The following RBMS3 variants were observed in gnomAD, a reference collection of about 807,000 sequenced individuals.
RBMS3 encodes the protein RNA binding motif single stranded interacting protein 3.
RBMS3 carries 27 observed loss-of-function variants against 66.8 expected under a neutral mutation model. The observed-to-expected ratio is 0.40, with a 90% CI of 0.30 to 0.56. The LOEUF is 0.56. Ranked by LOEUF, RBMS3 falls within the 20% of genes least tolerant of loss-of-function variation. The probability of loss-of-function intolerance (pLI) is 0.40; values close to 1 mark genes in which losing one functional copy is unlikely to be tolerated. For missense variants in RBMS3, 513 were observed against 549.5 expected (o/e 0.93, Z 0.66); for synonymous variants, 188 against 183.0 (o/e 1.03, Z -0.22).
At chr3:29,293,990 C>T (rs1289878053) in intron 1 of RBMS3, among the ~76,000 whole-genome samples, 1 of 150,688 alleles carries the variant, frequency 6.6e-6, no homozygotes, top group Non-Finnish European at 1.5e-5. Flanking sequence ...TTATTTTTGG[C>T]TTTTCAAACA....
chr3:29,887,821 A>G (rs2059907710), intron 8 of RBMS3, among the ~76,000 whole-genome samples: 1 of 151,824 alleles, frequency 6.6e-6, no homozygotes. Flanking sequence ...TTAATCAGTC[A>G]TTCTCTAATG....
intron 8 of RBMS3, among the ~76,000 whole-genome samples, chr3:29,893,423 A>G (rs1470202776): frequency 2.0e-5 from 3 of 151,490 alleles, no homozygotes; most frequent in Admixed American, 6.6e-5. Context: ...TTAATACTCC[A>G]ATTGGCGCAT....
rs548420784 is a variant in RBMS3, at chr3:29,908,621, C to T, written c.939+8866C>T. 3.3e-5 allele frequency among the ~76,000 whole-genome samples: 5 copies of T among 152,128 alleles called. No individual in the cohort carries two copies. In the South Asian group the frequency reaches 6.2e-4, roughly 19 times the overall value. ...TTGAGGAATATTTTCCTCACATGCT[C>T]GCTTGATTCAGTCTTTCTTTCCCTT... is the stretch of plus-strand genomic sequence containing the variant. On this transcript the variant is annotated intron_variant, in intron 10 of 14. Coordinates refer to ENST00000383767, the MANE Select transcript of RBMS3 (RefSeq NM_001003793.3).
chr3:29,990,072 AG>A (rs1698728517), intron 13 of RBMS3, among the ~76,000 whole-genome samples: 1 of 152,192 alleles, frequency 6.6e-6, no homozygotes, highest in Non-Finnish European at 1.5e-5. Flanking sequence ...GCCTTGAACC[AG>A]TGATTATAAG....
At chr3:29,628,057 A>G (rs924620159) in intron 4 of RBMS3, among the ~76,000 whole-genome samples, 21 of 152,096 alleles carry the variant, frequency 1.4e-4, no homozygotes, top group African/African-American at 4.6e-4. Context: ...CGGATTAAAA[A>G]CCCAATACCA....
At chr3:29,787,713 A>G (rs183121000) in intron 6 of RBMS3, among the ~76,000 whole-genome samples, 1 of 152,280 alleles carries the variant, frequency 6.6e-6, no homozygotes, top group Admixed American at 6.5e-5. Flanking sequence ...GCAAGAAATA[A>G]AAGGCCACAC....
chr3:29,714,385 A>G (rs1363972796), intron 4 of RBMS3, among the ~76,000 whole-genome samples: 1 of 152,212 alleles, frequency 6.6e-6, no homozygotes, highest in Non-Finnish European at 1.5e-5. Flanking sequence ...CATTTATAAG[A>G]CAGACCGGCT....
At chr3:30,002,901 C>T (rs1699674242) in intron 14 of RBMS3, among the ~76,000 whole-genome samples, 1 of 151,888 alleles carries the variant, frequency 6.6e-6, no homozygotes, top group African/African-American at 2.4e-5. Context: ...AAATTTAGCC[C>T]CCACTCCCTC....
At chr3:29,903,160 A>G (rs749558230) in intron 10 of RBMS3, 14 of 151,956 alleles carry the variant, frequency 9.2e-5, no homozygotes, top group Non-Finnish European at 4.4e-5. Context: ...GAAAGGATAG[A>G]TGTCTCTTTG....
At chr3:29,499,963 A>T (rs1169026341) in intron 3 of RBMS3, among the ~76,000 whole-genome samples, 1 of 152,154 alleles carries the variant, frequency 6.6e-6, no homozygotes, top group Non-Finnish European at 1.5e-5. Context: ...CATGTGGTGA[A>T]ATTCCACGGG....
At chr3:29,690,665 T>C (rs1400931379) in intron 4 of RBMS3, among the ~76,000 whole-genome samples, 4 of 152,200 alleles carry the variant, frequency 2.6e-5, no homozygotes, top group Non-Finnish European at 4.4e-5. Flanking sequence ...AGTATACTTA[T>C]CAGAAATTTT....
At chr3:29,708,343 A>T (rs971783776) in intron 4 of RBMS3, among the ~76,000 whole-genome samples, 1 of 152,204 alleles carries the variant, frequency 6.6e-6, no homozygotes, top group African/African-American at 2.4e-5. Flanking sequence ...ATATCTTGAA[A>T]GATATAGTAG....
At chr3:29,749,069 G>A (rs6791978) in intron 5 of RBMS3, among the ~76,000 whole-genome samples, 70,440 of 151,964 alleles carry the variant, frequency 0.46, 17,539 homozygotes, top group African/African-American at 0.64. Flanking sequence ...CAGTAAAACA[G>A]TGAGAGATAC....
chr3:29,564,004 C>CAA (rs549817111), intron 3 of RBMS3, among the ~76,000 whole-genome samples: 29 of 72,902 alleles, frequency 4.0e-4, no homozygotes, highest in South Asian at 1.4e-3. Flanking sequence ...GAGATGCTGT[C>CAA]AAAAAAAAAA....
chr3:29,763,104 C>A, intron 6 of RBMS3, 115 bp downstream of exon 6: 1 of 644,232 alleles, frequency 1.6e-6, no homozygotes, highest in Non-Finnish European at 2.6e-6. Flanking sequence ...GTTTGCTTTT[C>A]TTAATGTGTA....
At chr3:29,881,642 A>C (rs796071229) in intron 7 of RBMS3, among the ~76,000 whole-genome samples, 3 of 152,292 alleles carry the variant, frequency 2.0e-5, no homozygotes, top group African/African-American at 7.2e-5. Flanking sequence ...AAGGAGGTCA[A>C]CATAGATTTT....
Position 29,771,552 on chromosome 3 carries a change from C to T in RBMS3, c.637+8563C>T, listed in dbSNP as rs185973643. Among the ~76,000 whole-genome samples the T allele has an allele frequency of 2.9e-3, 437 of 152,098 alleles. 6 individuals are homozygous for T. Among genetic ancestry groups the T allele is most frequent in the African/African-American group, 9.7e-3 (402 of 41,536 alleles). On this transcript the variant is annotated intron_variant, in intron 6 of 14. Transcript: ENST00000383767. Reference sequence around the variant, plus strand: ...ACATGAAAAAGAGTAATTAAGGTTACAGCAAAAATTAAGGTTGCAGCTGGA... The same window carrying T: ...ACATGAAAAAGAGTAATTAAGGTTATAGCAAAAATTAAGGTTGCAGCTGGA...
chr3:29,798,182 A>G (rs768344619), intron 6 of RBMS3, among the ~76,000 whole-genome samples: 1 of 150,882 alleles, frequency 6.6e-6, no homozygotes, highest in Non-Finnish European at 1.5e-5. Context: ...ATCACAGATA[A>G]AATAATAATA....
chr3:29,647,124 C>T (rs563120951), intron 4 of RBMS3, among the ~76,000 whole-genome samples: 79 of 152,202 alleles, frequency 5.2e-4, no homozygotes, highest in African/African-American at 1.8e-3. Context: ...ACTACAGGCG[C>T]GTACCACCAC....
Sources: allele counts gnomAD v4.1 joint callset (sites outside exome capture counted in the v4.1 genomes callset), GRCh38; gene constraint gnomAD v4.1.1; transcripts MANE v1.5; gene names NCBI Gene and HGNC (gene_info 2026-07-23, HGNC 2026-07-21).